Variants in KIRREL3 observed in about 807,000 individuals in gnomAD.
KIRREL3 encodes kin of IRRE-like protein 3.
In KIRREL3, 36 loss-of-function variants were observed where a neutral mutation model predicts 89.7. That is an observed-to-expected ratio of 0.40 (90% CI 0.31 to 0.53). KIRREL3 has a LOEUF of 0.53. Ranked by LOEUF, KIRREL3 falls within the 20% of genes least tolerant of loss-of-function variation. The pLI is 0.49. For synonymous variants in KIRREL3, 445 were observed against 441.4 expected (o/e 1.01, Z -0.10); for missense variants, 864 against 1,056.6 (o/e 0.82, Z 2.53).
chr11:126,464,701 ATGCCAGGAGC>A (rs911567081), intron 5 of KIRREL3, among the ~76,000 whole-genome samples: 2 of 152,182 alleles, frequency 1.3e-5, no homozygotes, highest in African/African-American at 4.8e-5. Flanking sequence ...AAGCCAAGGA[ATGCCAGGAGC>A]TGCCAGGAGC....
intron 1 of KIRREL3, among the ~76,000 whole-genome samples, chr11:126,738,158 A>G (rs1948865806): frequency 6.6e-6 from 1 of 152,232 alleles, no homozygotes; most frequent in Admixed American, 6.5e-5. Context: ...GCTGCCAAGC[A>G]TGTGCCACCA....
chr11:126,944,993 C>G (rs1329899814), intron 1 of KIRREL3: 1 of 152,206 alleles, frequency 6.6e-6, no homozygotes, highest in Non-Finnish European at 1.5e-5. Context: ...TAGCTTCAGC[C>G]TTTGCGCTTG....
chr11:126,801,473 C>T (rs1416996360), intron 1 of KIRREL3, among the ~76,000 whole-genome samples: 1 of 152,154 alleles, frequency 6.6e-6, no homozygotes. Flanking sequence ...GGTAACCATC[C>T]CCAAATCTCT....
At chr11:126,857,783 G>GTGGGGGC in intron 1 of KIRREL3, among the ~76,000 whole-genome samples, 1 of 11,072 alleles carries the variant, frequency 9.0e-5, no homozygotes, top group African/African-American at 4.3e-4. Flanking sequence ...TTCAGGCTGT[G>GTGGGGGC]GGGGTGGGGT....
intron 8 of KIRREL3, 32 bp from the exon 9 acceptor site, chr11:126,446,918 G>C: frequency 1.3e-6 from 2 of 1,596,510 alleles, no homozygotes; most frequent in Non-Finnish European, 1.7e-6. Flanking sequence ...GACAGGTTCA[G>C]GTGGGTGGGG....
In KIRREL3 at chr11:126,904,931, T is replaced by G. The variant is rs1453408931; in HGVS notation, c.55+95524A>C. On this transcript the variant is annotated intron_variant, in intron 1 of 16. Coordinates refer to ENST00000525144, the MANE Select transcript of KIRREL3 (RefSeq NM_032531.4). This position sits in a 1 kb window ranked among gnomAD's most constrained non-coding sequence, Gnocchi z 4.4. ...TATATAATAAATAACTGACTATCCA[T>G]GATGGGGATGATGATGATGATGATG... Among the ~76,000 whole-genome samples, 2 of 139,718 alleles carry G rather than the reference T, an allele frequency of 1.4e-5. No homozygotes were observed. Among genetic ancestry groups the G allele is most frequent in the East Asian group, 4.9e-4 (2 of 4,092 alleles). 91.7% of individuals were successfully genotyped at this position (139,718 alleles called of 152,430 possible). A position where few individuals can be genotyped will look rare whatever the true frequency, so the allele number is the denominator to read the frequency against.
rs1469412457 is a variant in KIRREL3, at chr11:126,594,808, C to T, written c.56-31896G>A. ...TAAAGCTCATATAAAATTCTGAAGC[C>T]TCAGCGATGGAACCTGCATTTGGGA... On this transcript the variant is annotated intron_variant, in intron 1 of 16. Coordinates refer to ENST00000525144, the MANE Select transcript of KIRREL3 (RefSeq NM_032531.4). The surrounding 1 kb of genome is among the most constrained non-coding windows in gnomAD (Gnocchi z 5.0). 6.6e-6 allele frequency among the ~76,000 whole-genome samples: 1 copy of T among 152,242 alleles called. No homozygotes were observed. The highest frequency in any genetic ancestry group is 1.5e-5 in the Non-Finnish European group (1 of 68,046).
intron 1 of KIRREL3, among the ~76,000 whole-genome samples, chr11:126,974,181 C>G (rs989922767): frequency 5.9e-5 from 9 of 152,138 alleles, no homozygotes; most frequent in African/African-American, 2.2e-4. Flanking sequence ...ACAGACTTGT[C>G]CATCTCTTTG....
At chr11:126,700,775 T>C (rs1947283804) in intron 1 of KIRREL3, among the ~76,000 whole-genome samples, 4 of 152,176 alleles carry the variant, frequency 2.6e-5, no homozygotes, top group Admixed American at 2.6e-4. Flanking sequence ...CCCCATAATG[T>C]GCAACAGGCC....
At chr11:126,663,319 G>A (rs1217727371) in intron 1 of KIRREL3, among the ~76,000 whole-genome samples, 1 of 151,250 alleles carries the variant, frequency 6.6e-6, no homozygotes, top group African/African-American at 2.4e-5. Context: ...CTGAGTAGCT[G>A]GGACTACAGG....
rs1947145415 is a variant in KIRREL3 at position 126,918,772 on chromosome 11, A to G, written c.55+81683T>C. Reference sequence around the variant, plus strand: ...GGATGCCAGGCAGCCATTGTAATCAATTGCAGGGTGTGCAAGGCCTTCCTG... The same window carrying G: ...GGATGCCAGGCAGCCATTGTAATCAGTTGCAGGGTGTGCAAGGCCTTCCTG... On this transcript the variant is annotated intron_variant, in intron 1 of 16. Coordinates refer to ENST00000525144, the MANE Select transcript of KIRREL3 (RefSeq NM_032531.4). This position sits in a 1 kb window ranked among gnomAD's most constrained non-coding sequence, Gnocchi z 6.5. Among the ~76,000 whole-genome samples the G allele has an allele frequency of 6.6e-6, 1 of 152,170 alleles. No individual in the cohort carries two copies. Among genetic ancestry groups the G allele is most frequent in the Admixed American group, 6.6e-5 (1 of 15,266 alleles).
chr11:126,562,927 T>C lies in KIRREL3; in HGVS notation c.56-15A>G, dbSNP rs370715240. On this transcript the variant is annotated splice_polypyrimidine_tract_variant and intron_variant, in intron 1 of 16. Transcript: ENST00000525144. The surrounding 1 kb of genome is among the most constrained non-coding windows in gnomAD (Gnocchi z 4.7). ...GAGGCCCAGCTCTGGAAGAGAAGCA[T>C]AGGTGGGTGAGTTGGGAATGGGAAC... The C allele has an allele frequency of 4.3e-6, 7 of 1,609,994 alleles. No individual in the cohort carries two copies. Among genetic ancestry groups the C allele is most frequent in the Non-Finnish European group, 5.1e-6 (6 of 1,176,740 alleles).
chr11:126,660,046 G>A (rs566955316), intron 1 of KIRREL3, among the ~76,000 whole-genome samples: 4 of 152,152 alleles, frequency 2.6e-5, no homozygotes, highest in Non-Finnish European at 4.4e-5. Context: ...GGACAATTGC[G>A]CAGCTTGTGG....
chr11:126,882,048 G>A (rs1282509616), intron 1 of KIRREL3, among the ~76,000 whole-genome samples: 1 of 152,200 alleles, frequency 6.6e-6, no homozygotes, highest in East Asian at 1.9e-4. Flanking sequence ...ATAGGCCCCT[G>A]ATTGGTCAGG....
intron 1 of KIRREL3, among the ~76,000 whole-genome samples, chr11:126,673,879 G>A (rs991143033): frequency 6.6e-6 from 1 of 152,218 alleles, no homozygotes; most frequent in East Asian, 1.9e-4. Context: ...CTACTGGAAG[G>A]GTGGAGGGTT....
In KIRREL3 at chr11:126,463,353, T is replaced by C. The variant is rs1478593846; in HGVS notation, c.592-46A>G. On this transcript the variant is annotated intron_variant, in intron 5 of 16. Coordinates refer to ENST00000525144, the MANE Select transcript of KIRREL3 (RefSeq NM_032531.4). This position sits in a 1 kb window ranked among gnomAD's most constrained non-coding sequence, Gnocchi z 5.9. ...GAGAGAAAGCTCCATGTCGCTTGGC[T>C]GGGGTGGCCAGCCTGGGTTGGGGGT... is the stretch of plus-strand genomic sequence containing the variant. 5 of 1,583,590 alleles carry C rather than the reference T, an allele frequency of 3.2e-6. No homozygotes were observed. Among genetic ancestry groups the C allele is most frequent in the Non-Finnish European group, 4.3e-6 (5 of 1,160,860 alleles).
Position 126,436,871 on chromosome 11 carries a change from T to C in KIRREL3, c.1492A>G (p.Asn498Asp). 6.2e-7 allele frequency: 1 copy of C among 1,613,742 alleles called. No individual in the cohort carries two copies. Among genetic ancestry groups the C allele is most frequent in the Non-Finnish European group, 8.5e-7 (1 of 1,179,876 alleles). ...CCGAAGCTGTTCCAGGCCGTGCAGT[T>C]GTAGATGGTCTGGAAGTCGGCCCGC... Reference protein sequence around the residue: ...IVRADFQTIYNCTAWNSFGSD... With the variant: ...IVRADFQTIYDCTAWNSFGSD... Residue 498 changes from asparagine (N) to aspartate (D), a missense_variant, in exon 12 of 17, where the codon AAC (asparagine) becomes GAC (aspartate). Physicochemically the swap from Asn to Asp is conservative, Grantham distance 23. Coordinates refer to ENST00000525144, the MANE Select transcript of KIRREL3 (RefSeq NM_032531.4).
rs767583061 is a variant in KIRREL3 at position 126,515,500 on chromosome 11, C to T, written c.433+5815G>A. ...AAAGGACCACAGGGGGACAGTCAGGCCATGTGGGCTCCAGAGAAGGCTTCC... is the reference window on the plus strand; with the variant it reads ...AAAGGACCACAGGGGGACAGTCAGGTCATGTGGGCTCCAGAGAAGGCTTCC... On this transcript the variant is annotated intron_variant, in intron 4 of 16. Coordinates refer to ENST00000525144, the MANE Select transcript of KIRREL3 (RefSeq NM_032531.4). The surrounding 1 kb of genome is among the most constrained non-coding windows in gnomAD (Gnocchi z 4.2). 2.0e-5 allele frequency among the ~76,000 whole-genome samples: 3 copies of T among 152,096 alleles called. No homozygotes were observed. The highest frequency in any genetic ancestry group is 6.5e-5 in the Admixed American group (1 of 15,272).
rs1487836468 is a variant in KIRREL3, at chr11:126,736,365, A to G, written c.56-173453T>C. Among the ~76,000 whole-genome samples the G allele has an allele frequency of 6.6e-6, 1 of 152,220 alleles. No individual in the cohort carries two copies. Among genetic ancestry groups the G allele is most frequent in the Non-Finnish European group, 1.5e-5 (1 of 68,044 alleles). On this transcript the variant is annotated intron_variant, in intron 1 of 16. Coordinates refer to ENST00000525144, the MANE Select transcript of KIRREL3 (RefSeq NM_032531.4). This position sits in a 1 kb window ranked among gnomAD's most constrained non-coding sequence, Gnocchi z 5.0. ...AGTGAAATCATTTGACAAGTCATAC[A>G]CAGCTAAAACGTAGATGCCAGAGCC...
Sources: allele counts gnomAD v4.1 joint callset (sites outside exome capture counted in the v4.1 genomes callset), GRCh38; gene constraint gnomAD v4.1.1; non-coding constraint Gnocchi (gnomAD v3.1); transcripts MANE v1.5; gene names NCBI Gene and HGNC (gene_info 2026-07-23, HGNC 2026-07-21).